KIAA1549: variants seen among roughly 807,000 people sequenced by gnomAD.
The protein encoded by KIAA1549 is UPF0606 protein KIAA1549.
A neutral mutation model predicts 156.4 loss-of-function variants in KIAA1549; 70 were observed. The observed-to-expected ratio is 0.45, with a 90% CI of 0.37 to 0.55. The LOEUF (loss-of-function observed/expected upper bound fraction) is 0.55. KIAA1549 is among the 20% of genes least tolerant of loss of function. The probability of loss-of-function intolerance (pLI) is 0.00; values close to 1 mark genes in which losing one functional copy is unlikely to be tolerated. For synonymous variants in KIAA1549, 1,103 were observed against 1,066.4 expected, an observed-to-expected ratio of 1.03 and a Z score of -0.67; for missense variants, 2,428 against 2,540.9, an observed-to-expected ratio of 0.96 and a Z score of 0.96.
At chr7:138,967,109 A>T (rs760607580) in intron 1 of KIAA1549, among the ~76,000 whole-genome samples, 6 of 152,172 alleles carry the variant, frequency 3.9e-5, no homozygotes, top group Admixed American at 1.3e-4. Flanking sequence ...TTGTCCACTG[A>T]TGTATCCCAA....
chr7:138,844,717 C>T (rs1000510336), intron 17 of KIAA1549, among the ~76,000 whole-genome samples: 3 of 152,128 alleles, frequency 2.0e-5, no homozygotes, highest in African/African-American at 7.2e-5. Flanking sequence ...TGACAAAAGC[C>T]AGGGCCTGCT....
Position 138,917,925 on chromosome 7 carries a change from G to A in KIAA1549, c.1701C>T (p.Asp567=). 1 of 1,598,138 alleles carries A rather than the reference G, an allele frequency of 6.3e-7. No homozygotes were observed. The part of the protein sequence containing the change: ...FFSVITSILL[D]SSFSVIANKN... Reference sequence around the variant, plus strand: ...TGTTTGCTATGACAGAGAAAGATGAGTCAAGGAGAATGCTGGTGATGACCG... The same window carrying A: ...TGTTTGCTATGACAGAGAAAGATGAATCAAGGAGAATGCTGGTGATGACCG... The change falls in exon 2 of 20, where the codon GAC becomes GAT. Residue 567 remains aspartate (D), a synonymous_variant. Transcript: ENST00000422774.
At chr7:138,879,721 T>C in intron 11 of KIAA1549, 68 bp from the exon 12 acceptor site, 1 of 1,076,604 alleles carries the variant, frequency 9.3e-7, no homozygotes, top group South Asian at 1.5e-5. Flanking sequence ...GTCCCATTAA[T>C]TTGTGTGTGG....
intron 1 of KIAA1549, among the ~76,000 whole-genome samples, chr7:138,964,420 T>C (rs1009062772): frequency 2.6e-5 from 4 of 152,224 alleles, no homozygotes; most frequent in Non-Finnish European, 5.9e-5. Context: ...TAAGCTTTAT[T>C]TTCCTCATCT....
At chr7:138,913,967 G>A (rs1812241619) in intron 2 of KIAA1549, among the ~76,000 whole-genome samples, 1 of 145,268 alleles carries the variant, frequency 6.9e-6, no homozygotes. Flanking sequence ...AGGAGGAGGG[G>A]ACAGAAAAGG....
At chr7:138,898,058 C>A (rs1442852674) in intron 9 of KIAA1549, among the ~76,000 whole-genome samples, 1 of 151,870 alleles carries the variant, frequency 6.6e-6, no homozygotes, top group African/African-American at 2.4e-5. Context: ...GCAGTAATCC[C>A]AGCACTTTGG....
At chr7:138,859,425 C>A (rs2130363125) in intron 16 of KIAA1549, among the ~76,000 whole-genome samples, 1 of 152,230 alleles carries the variant, frequency 6.6e-6, no homozygotes, top group Non-Finnish European at 1.5e-5. Context: ...GAGGGTTGTT[C>A]CTGCTAATCT....
chr7:138,846,011 C>A lies in KIAA1549; in HGVS notation c.5295-1537G>T, dbSNP rs917754779. ...GGAGCAAGGGCTTTTCTTCAAAATT[C>A]CATATTCCACAGAAATGCTTTCTAT... On this transcript the variant is annotated intron_variant, in intron 17 of 19. Transcript: ENST00000422774. Among the ~76,000 whole-genome samples, 5 of 152,168 alleles carry A rather than the reference C, an allele frequency of 3.3e-5. No individual in the cohort carries two copies. The South Asian group carries it at 8.3e-4, about 25-fold the overall frequency.
intron 8 of KIAA1549, among the ~76,000 whole-genome samples, chr7:138,902,292 C>T (rs746260455): frequency 1.3e-5 from 2 of 152,158 alleles, no homozygotes; most frequent in Non-Finnish European, 2.9e-5. Flanking sequence ...GGCAACACTT[C>T]CCGGCTCCTG....
Position 138,911,281 on chromosome 7 carries a change from C to T in KIAA1549, c.3010G>A (p.Gly1004Ser), listed in dbSNP as rs781225945. ...GATATTGCCGTGTAAACGAAAGGAC[C>T]GGATGTTACCAGAAAAGTGAAGTCA... ...FTDFTFLVTS[G>S]PFVYTAISVI... Residue 1004 changes from glycine to serine, a missense_variant, in exon 4 of 20, where the codon GGT (glycine) becomes AGT (serine). Physicochemically the swap from Gly to Ser is moderately conservative, Grantham distance 56. Transcript: ENST00000422774. 12 of 1,601,906 alleles carry T rather than the reference C, an allele frequency of 7.5e-6. No homozygotes were observed. Among genetic ancestry groups the T allele is most frequent in the Non-Finnish European group, 1.0e-5 (12 of 1,173,826 alleles).
intron 1 of KIAA1549, among the ~76,000 whole-genome samples, chr7:138,967,696 GA>G (rs200229513): frequency 6.7e-6 from 1 of 150,210 alleles, no homozygotes; most frequent in Non-Finnish European, 1.5e-5. Flanking sequence ...CTGTCCAGGA[GA>G]AAAAAAAACA....
At chr7:138,916,145 C>T (rs995302074) in intron 2 of KIAA1549, among the ~76,000 whole-genome samples, 1 of 152,128 alleles carries the variant, frequency 6.6e-6, no homozygotes, top group Admixed American at 6.5e-5. Flanking sequence ...CTTTTCTTTC[C>T]TCGGGACCCA....
rs1809532940 is a variant in KIAA1549, at chr7:138,831,605, T to C, written c.*6301A>G. ...CCCATACTGAGATTTCAGTGCCTGT[T>C]TGAGGACCAGCAAACCATGATTGTC... On this transcript the variant is annotated 3_prime_UTR_variant, in exon 20 of 20. Coordinates refer to ENST00000422774, the MANE Select transcript of KIAA1549 (RefSeq NM_001164665.2). 1 of 228,630 alleles carries C rather than the reference T, an allele frequency of 4.4e-6. No homozygotes were observed. Among genetic ancestry groups the C allele is most frequent in the Admixed American group, 5.7e-5 (1 of 17,642 alleles). 14.2% of individuals were successfully genotyped at this position (228,630 alleles called of 1,614,324 possible). A position where few individuals can be genotyped will look rare whatever the true frequency, so the allele number is the denominator to read the frequency against.
intron 1 of KIAA1549, among the ~76,000 whole-genome samples, chr7:138,974,825 T>A (rs73731173): frequency 0.011 from 1,704 of 150,936 alleles, 29 homozygotes; most frequent in African/African-American, 0.04. Flanking sequence ...TAAAATATGG[T>A]TCTTGCACAC....
chr7:138,956,500 G>A (rs896019749), intron 1 of KIAA1549, among the ~76,000 whole-genome samples: 1 of 152,094 alleles, frequency 6.6e-6, no homozygotes, highest in Non-Finnish European at 1.5e-5. Context: ...TTGAATCGTG[G>A]GGGTGGTTTC....
chr7:138,918,762 T>C lies in KIAA1549; in HGVS notation c.864A>G (p.Leu288=). The change falls in exon 2 of 20, where the codon TTA becomes TTG. Residue 288 remains leucine (L), a synonymous_variant. Coordinates refer to ENST00000422774, the MANE Select transcript of KIAA1549 (RefSeq NM_001164665.2). The surrounding 1 kb of genome is among the most constrained non-coding windows in gnomAD (Gnocchi z 4.2). ...TGCCGTCGCCTAACGGCTGTGGCAT[T>C]AAAGACCGGGAGCTTAAAAAAAGGG... The part of the protein sequence containing the change: ...ETTLFLSSRS[L]MPQPLGDGIT... 3 of 1,613,834 alleles carry C rather than the reference T, an allele frequency of 1.9e-6. No individual in the cohort carries two copies. Among genetic ancestry groups the C allele is most frequent in the South Asian group, 2.2e-5 (2 of 91,070 alleles).
rs756943187 is a variant in KIAA1549 at position 138,867,984 on chromosome 7, G to A, written c.4920C>T (p.Ile1640=). The part of the protein sequence containing the change: ...RPPGVHNSAY[I]GCPSDPDLPA... Reference sequence around the variant, plus strand: ...AGTCGGTGGCACGCACTGGGCATCCGATGTAGGCTGAGTTGTGGACGCCGG... The same window carrying A: ...AGTCGGTGGCACGCACTGGGCATCCAATGTAGGCTGAGTTGTGGACGCCGG... Residue 1640 remains isoleucine (I), a synonymous_variant, in exon 15 of 20, where the codon ATC becomes ATT. Coordinates refer to ENST00000422774, the MANE Select transcript of KIAA1549 (RefSeq NM_001164665.2). 3.3e-5 allele frequency: 53 copies of A among 1,613,832 alleles called. No homozygotes were observed. Among genetic ancestry groups the A allele is most frequent in the Non-Finnish European group, 4.4e-5 (52 of 1,179,768 alleles).
At chr7:138,897,646 C>A (rs1008039445) in intron 9 of KIAA1549, among the ~76,000 whole-genome samples, 6 of 151,946 alleles carry the variant, frequency 3.9e-5, no homozygotes, top group Non-Finnish European at 1.5e-5. Flanking sequence ...GGGATTCCAA[C>A]ACCTTGGGAG....
chr7:138,965,016 C>A (rs112315201), intron 1 of KIAA1549, among the ~76,000 whole-genome samples: 6,282 of 150,644 alleles, frequency 0.042, 443 homozygotes, highest in African/African-American at 0.15. Context: ...GCTGAAGTGC[C>A]GTGGTGCGAT....
Sources: gnomAD v4.1 joint callset for allele counts (sites outside exome capture counted in the v4.1 genomes callset) on GRCh38, gnomAD v4.1.1 for gene constraint, Gnocchi (gnomAD v3.1) non-coding constraint, MANE v1.5 for transcripts, NCBI Gene and HGNC (gene_info 2026-07-23, HGNC 2026-07-21) for gene names.